The following ZNF407 variants were observed in gnomAD, a reference collection of about 807,000 sequenced individuals.
The protein encoded by ZNF407 is zinc finger protein 407.
In ZNF407, 17 loss-of-function variants were observed where a neutral mutation model predicts 131.2. The observed-to-expected ratio is 0.13, with a 90% CI of 0.09 to 0.19. The LOEUF (loss-of-function observed/expected upper bound fraction) is 0.19, where lower values mean the gene tolerates loss of function less well. Ranked by LOEUF, ZNF407 falls within the 10% of genes least tolerant of loss-of-function variation. The probability of loss-of-function intolerance (pLI) is 1.00; values close to 1 mark genes in which losing one functional copy is unlikely to be tolerated. For synonymous variants in ZNF407, 1,156 were observed against 1,062.0 expected (o/e 1.09, Z -1.72); for missense variants, 2,681 against 2,830.6 (o/e 0.95, Z 1.20).
chr18:75,002,886 A>G (rs1972864812), intron 8 of ZNF407, among the ~76,000 whole-genome samples: 1 of 152,024 alleles, frequency 6.6e-6, no homozygotes, highest in Non-Finnish European at 1.5e-5. Flanking sequence ...ATAACAAACG[A>G]AAGTGTTTTA....
At chr18:75,015,562 CATT>C (rs1308409669) in intron 8 of ZNF407, among the ~76,000 whole-genome samples, 2 of 143,780 alleles carry the variant, frequency 1.4e-5, no homozygotes, top group Non-Finnish European at 3.0e-5. Flanking sequence ...AACATATAAA[CATT>C]ATATATATAT....
chr18:74,784,442 T>C (rs1568214345), intron 4 of ZNF407, among the ~76,000 whole-genome samples: 1 of 152,206 alleles, frequency 6.6e-6, no homozygotes, highest in Non-Finnish European at 1.5e-5. Context: ...TGTTTGATGA[T>C]CCAATAAATT....
chr18:74,676,437 A>ATTTT (rs1178240160), intron 3 of ZNF407, among the ~76,000 whole-genome samples: 2 of 119,690 alleles, frequency 1.7e-5, no homozygotes, highest in Non-Finnish European at 1.8e-5. Context: ...GTGATATAGC[A>ATTTT]TTTTTTTTTT....
intron 8 of ZNF407, among the ~76,000 whole-genome samples, chr18:74,957,275 C>T (rs151101614): frequency 8.2e-4 from 125 of 152,248 alleles, no homozygotes; most frequent in Non-Finnish European, 1.5e-3. Context: ...ATGGGGGCAA[C>T]CGGCACAGTC....
intron 3 of ZNF407, among the ~76,000 whole-genome samples, chr18:74,687,410 AGG>A (rs1355914506): frequency 6.6e-6 from 1 of 152,150 alleles, no homozygotes; most frequent in Non-Finnish European, 1.5e-5. Context: ...TGTGTTAAGG[AGG>A]AAAGGTGTAG....
intron 4 of ZNF407, among the ~76,000 whole-genome samples, chr18:74,795,962 G>A (rs1051266074): frequency 2.0e-5 from 3 of 152,346 alleles, no homozygotes; most frequent in South Asian, 2.1e-4. Flanking sequence ...GCGCACACAC[G>A]CACACGTGCC....
chr18:74,930,968 C>T (rs954358146), intron 8 of ZNF407, among the ~76,000 whole-genome samples: 4 of 152,150 alleles, frequency 2.6e-5, no homozygotes, highest in Non-Finnish European at 5.9e-5. Flanking sequence ...TCTAGGCCTT[C>T]GCAGCAGATA....
intron 3 of ZNF407, among the ~76,000 whole-genome samples, chr18:74,695,618 A>G (rs1159279629): frequency 6.6e-6 from 1 of 152,016 alleles, no homozygotes; most frequent in Non-Finnish European, 1.5e-5. Context: ...ACACCTAACA[A>G]CCACCTATGT....
At chr18:74,931,343 T>C (rs1971980271) in intron 8 of ZNF407, among the ~76,000 whole-genome samples, 1 of 152,196 alleles carries the variant, frequency 6.6e-6, no homozygotes, top group South Asian at 2.1e-4. Flanking sequence ...CATAAAGCAC[T>C]CTGTCACTCA....
chr18:74,868,612 G>A (rs966865658), intron 4 of ZNF407, among the ~76,000 whole-genome samples: 2 of 152,122 alleles, frequency 1.3e-5, no homozygotes, highest in African/African-American at 4.8e-5. Context: ...CACAACCCCC[G>A]TCAGCATGGT....
At chr18:74,800,641 G>T (rs568723667) in intron 4 of ZNF407, among the ~76,000 whole-genome samples, 1 of 152,082 alleles carries the variant, frequency 6.6e-6, no homozygotes, top group Non-Finnish European at 1.5e-5. Flanking sequence ...TGTTTTTCTC[G>T]TGATGGGAGA....
intron 4 of ZNF407, among the ~76,000 whole-genome samples, chr18:74,793,763 A>G (rs547451695): frequency 3.3e-5 from 5 of 152,336 alleles, no homozygotes; most frequent in African/African-American, 9.6e-5. Context: ...TGCAGTTGGC[A>G]GAAGAGGGAA....
rs550716242 is a variant in ZNF407, at chr18:74,883,524, C to G, written c.5128+2405C>G. 3.3e-5 allele frequency among the ~76,000 whole-genome samples: 5 copies of G among 152,296 alleles called. No individual in the cohort carries two copies. The East Asian group carries it at 5.8e-4, about 18-fold the overall frequency. On this transcript the variant is annotated intron_variant, in intron 6 of 8. Coordinates refer to ENST00000299687, the MANE Select transcript of ZNF407 (RefSeq NM_017757.3). Reference sequence around the variant, plus strand: ...AATTCCTCACCGCAATACAGACTGTCCAGGGGGCTGACACAAAACATCTTC... The same window carrying G: ...AATTCCTCACCGCAATACAGACTGTGCAGGGGGCTGACACAAAACATCTTC...
chr18:74,650,365 T>C (rs778125520), intron 3 of ZNF407, among the ~76,000 whole-genome samples: 1 of 152,186 alleles, frequency 6.6e-6, no homozygotes, highest in Non-Finnish European at 1.5e-5. Context: ...CCTAGTCACT[T>C]TAAGGGATGC....
chr18:74,899,585 T>C (rs1971496495), intron 7 of ZNF407, among the ~76,000 whole-genome samples: 1 of 152,230 alleles, frequency 6.6e-6, no homozygotes, highest in Admixed American at 6.5e-5. Context: ...AGTTCCATAC[T>C]AATCTATGTG....
intron 3 of ZNF407, among the ~76,000 whole-genome samples, chr18:74,648,865 G>A (rs1348538813): frequency 6.6e-6 from 1 of 152,164 alleles, no homozygotes; most frequent in East Asian, 1.9e-4. Flanking sequence ...TAAAAAGTAT[G>A]TACTGTGTAG....
chr18:74,903,393 A>G (rs1485047668), intron 7 of ZNF407, among the ~76,000 whole-genome samples: 1 of 152,148 alleles, frequency 6.6e-6, no homozygotes, highest in Non-Finnish European at 1.5e-5. Context: ...TTTCAAGCCA[A>G]AGTTGTATGT....
chr18:74,982,308 ACCTCC>A (rs1972602382), intron 8 of ZNF407, among the ~76,000 whole-genome samples: 1 of 152,200 alleles, frequency 6.6e-6, no homozygotes, highest in South Asian at 2.1e-4. Flanking sequence ...TATTGAAAAT[ACCTCC>A]ACTGGTAAAA....
At chr18:74,820,924 TACA>T (rs1474676883) in intron 4 of ZNF407, among the ~76,000 whole-genome samples, 1 of 152,066 alleles carries the variant, frequency 6.6e-6, no homozygotes, top group African/African-American at 2.4e-5. Context: ...AGTGATACTC[TACA>T]ACGTCTGGCT....
Sources: allele counts gnomAD v4.1 joint callset (sites outside exome capture counted in the v4.1 genomes callset), GRCh38; gene constraint gnomAD v4.1.1; transcripts MANE v1.5; gene names NCBI Gene and HGNC (gene_info 2026-07-23, HGNC 2026-07-21).